The following COG5 variants were observed in gnomAD, a reference collection of about 807,000 sequenced individuals.
COG5 encodes component of oligomeric golgi complex 5.
Under a neutral mutation model 110.4 loss-of-function variants are expected in COG5, and 86 were observed. The observed-to-expected ratio is 0.78, with a 90% CI of 0.65 to 0.93. The LOEUF is 0.93. COG5 is among the 40% of genes least tolerant of loss of function. The pLI is 0.00. For synonymous variants in COG5, 360 were observed against 334.6 expected (o/e 1.08, Z -0.83); for missense variants, 1,077 against 987.0 (o/e 1.09, Z -1.22).
chr7:107,227,038 G>T (rs1800392725), intron 19 of COG5, among the ~76,000 whole-genome samples: 2 of 152,146 alleles, frequency 1.3e-5, no homozygotes, highest in South Asian at 4.1e-4. Context: ...CAAGAGAAAA[G>T]GGTATAAATC....
rs977433876 is a variant in COG5, at chr7:107,303,842, G to A, written c.1109-5496C>T. 2.6e-5 allele frequency among the ~76,000 whole-genome samples: 4 copies of A among 152,206 alleles called. No homozygotes were observed. The Middle Eastern group carries it at 0.01, about 388-fold the overall frequency. On this transcript the variant is annotated intron_variant, in intron 11 of 21. Transcript: ENST00000297135. ...GATGAAAATTTATAGTACACCTACT[G>A]TACATTCTGATAATCAAATAATTTA...
intron 14 of COG5, among the ~76,000 whole-genome samples, chr7:107,264,840 T>C (rs1803670818): frequency 6.6e-6 from 1 of 152,066 alleles, no homozygotes; most frequent in South Asian, 2.1e-4. Flanking sequence ...TTGGGTCTAT[T>C]AGGCAATTCA....
chr7:107,331,892 A>T (rs1233117019), intron 10 of COG5, among the ~76,000 whole-genome samples: 2 of 140,350 alleles, frequency 1.4e-5, no homozygotes, highest in East Asian at 4.1e-4. Flanking sequence ...CCCAGGCTGG[A>T]GTACAGTGGC....
intron 7 of COG5, among the ~76,000 whole-genome samples, chr7:107,398,161 C>G (rs944688290): frequency 6.6e-6 from 1 of 152,008 alleles, no homozygotes; most frequent in African/African-American, 2.4e-5. Flanking sequence ...TTCAAAAAGA[C>G]AATATCAAGG....
chr7:107,337,187 C>T (rs1404310382), intron 10 of COG5, among the ~76,000 whole-genome samples: 5 of 151,940 alleles, frequency 3.3e-5, no homozygotes, highest in Admixed American at 2.0e-4. Context: ...GGAACACTTA[C>T]GCATTGTTGG....
intron 6 of COG5, among the ~76,000 whole-genome samples, chr7:107,453,260 T>C (rs965836637): frequency 6.6e-6 from 1 of 152,186 alleles, no homozygotes; most frequent in Non-Finnish European, 1.5e-5. Flanking sequence ...CATATTAATA[T>C]AGTACATTCA....
At chr7:107,367,173 A>G (rs1430200996) in intron 8 of COG5, among the ~76,000 whole-genome samples, 5 of 152,140 alleles carry the variant, frequency 3.3e-5, no homozygotes, top group South Asian at 4.1e-4. Flanking sequence ...TAAGGGAAAG[A>G]AAGTGTAAAT....
chr7:107,348,501 C>G (rs1811839900), intron 10 of COG5, among the ~76,000 whole-genome samples: 1 of 152,140 alleles, frequency 6.6e-6, no homozygotes, highest in Non-Finnish European at 1.5e-5. Context: ...GCTTCTAATT[C>G]TACTTGAGCA....
intron 1 of COG5, among the ~76,000 whole-genome samples, chr7:107,561,169 G>T (rs140045691): frequency 6.6e-6 from 1 of 152,176 alleles, no homozygotes; most frequent in African/African-American, 2.4e-5. Context: ...TTAAAGAGAT[G>T]AATTATATAA....
intron 12 of COG5, among the ~76,000 whole-genome samples, chr7:107,287,443 G>C (rs947755179): frequency 6.6e-6 from 1 of 152,124 alleles, no homozygotes; most frequent in Non-Finnish European, 1.5e-5. Context: ...TTTGACACAA[G>C]TGACTCCATG....
chr7:107,354,533 C>T (rs1002967953), intron 10 of COG5, among the ~76,000 whole-genome samples: 8 of 152,050 alleles, frequency 5.3e-5, no homozygotes, highest in Non-Finnish European at 1.0e-4. Flanking sequence ...AAAAATTAGC[C>T]AGCATGGTGG....
At chr7:107,214,962 A>C (rs913648373) in intron 19 of COG5, among the ~76,000 whole-genome samples, 2 of 152,098 alleles carry the variant, frequency 1.3e-5, no homozygotes, top group Non-Finnish European at 2.9e-5. Context: ...GTATAGCCCA[A>C]ATTAGGGATA....
intron 17 of COG5, among the ~76,000 whole-genome samples, chr7:107,241,428 C>CTATCTATA (rs1554399568): frequency 2.8e-5 from 4 of 144,822 alleles, no homozygotes; most frequent in African/African-American, 1.0e-4. Context: ...ATCTATCTAT[C>CTATCTATA]TATATATATA....
chr7:107,466,067 G>A (rs1796277489), intron 6 of COG5, among the ~76,000 whole-genome samples: 2 of 152,076 alleles, frequency 1.3e-5, no homozygotes, highest in Admixed American at 6.5e-5. Flanking sequence ...GGAAGCAAGA[G>A]AAAAGAGAAA....
chr7:107,543,678 G>A (rs1802214917), intron 5 of COG5, among the ~76,000 whole-genome samples: 1 of 152,136 alleles, frequency 6.6e-6, no homozygotes. Context: ...CAGCCCAAGT[G>A]GCCCCAAACA....
chr7:107,208,647 G>C, intron 21 of COG5: 1 of 985,474 alleles, frequency 1.0e-6, no homozygotes, highest in Non-Finnish European at 1.2e-6. Flanking sequence ...GATTTTACCA[G>C]GAACATTCAC....
At chr7:107,248,996 T>C (rs1175849069) in intron 16 of COG5, among the ~76,000 whole-genome samples, 2 of 152,214 alleles carry the variant, frequency 1.3e-5, no homozygotes, top group African/African-American at 4.8e-5. Flanking sequence ...TAGGAGTTTG[T>C]TGTGTCATGG....
At chr7:107,431,351 C>T (rs748574546) in intron 6 of COG5, among the ~76,000 whole-genome samples, 4 of 152,180 alleles carry the variant, frequency 2.6e-5, no homozygotes, top group Non-Finnish European at 4.4e-5. Flanking sequence ...ATTGATAAAA[C>T]AGGCAGACAA....
At chr7:107,361,955 T>C in intron 10 of COG5, 78 bp downstream of exon 10, 2 of 897,676 alleles carry the variant, frequency 2.2e-6, no homozygotes, top group South Asian at 1.4e-5. Context: ...TATAAGGTAG[T>C]AGTAACACAA....
Sources: gnomAD v4.1 joint callset for allele counts (sites outside exome capture counted in the v4.1 genomes callset) on GRCh38, gnomAD v4.1.1 for gene constraint, MANE v1.5 for transcripts, NCBI Gene and HGNC (gene_info 2026-07-23, HGNC 2026-07-21) for gene names.